Variants in PDE6B observed in about 807,000 individuals in gnomAD.
The protein encoded by PDE6B is phosphodiesterase 6B.
A neutral mutation model predicts 109.0 loss-of-function variants in PDE6B; 106 were observed. The observed-to-expected ratio is 0.97, with a 90% CI of 0.83 to 1.14. The LOEUF (loss-of-function observed/expected upper bound fraction) is 1.14, where lower values mean the gene tolerates loss of function less well. Among genes scored for constraint, PDE6B ranks in the 50% most tolerant of loss-of-function variants. The pLI is 0.00. For synonymous variants in PDE6B, 490 were observed against 471.3 expected, an observed-to-expected ratio of 1.04 and a Z score of -0.51; for missense variants, 1,193 against 1,155.6, an observed-to-expected ratio of 1.03 and a Z score of -0.47.
intron 3 of PDE6B, among the ~76,000 whole-genome samples, chr4:642,949 G>A (rs1483838476): frequency 6.6e-6 from 1 of 152,014 alleles, no homozygotes; most frequent in African/African-American, 2.4e-5. Context: ...AATGCCACCT[G>A]GTCATGTAGT....
chr4:637,898 T>G (rs1011430841), intron 3 of PDE6B, among the ~76,000 whole-genome samples: 2 of 152,234 alleles, frequency 1.3e-5, no homozygotes, highest in Non-Finnish European at 2.9e-5. Flanking sequence ...GGAGCTGTCC[T>G]CCGCACAGGC....
At chr4:655,280 C>A (rs908187974) in intron 6 of PDE6B, 2 of 319,204 alleles carry the variant, frequency 6.3e-6, no homozygotes, top group African/African-American at 2.1e-5. Context: ...GAGGCCGAGT[C>A]TTGGCCCCGT....
chr4:639,140 T>G (rs1472601231), intron 3 of PDE6B, among the ~76,000 whole-genome samples: 1 of 150,886 alleles, frequency 6.6e-6, no homozygotes, highest in African/African-American at 2.5e-5. Context: ...TTTGTTTTTT[T>G]GGGGGGTGTT....
rs373370425 is a variant in PDE6B, at chr4:658,912, G to A, written c.1402-40G>A. 8 of 1,497,120 alleles carry A rather than the reference G, an allele frequency of 5.3e-6. No individual in the cohort carries two copies. In the Middle Eastern group the frequency reaches 5.1e-4, roughly 96 times the overall value. 92.7% of individuals were successfully genotyped at this position (1,497,120 alleles called of 1,614,324 possible). A position where few individuals can be genotyped will look rare whatever the true frequency, so the allele number is the denominator to read the frequency against. On this transcript the variant is annotated intron_variant, in intron 10 of 21. Coordinates refer to ENST00000496514, the MANE Select transcript of PDE6B (RefSeq NM_000283.4). ...GCACCGCCGTCACCTTGTCCCACAT[G>A]CGAAGCTCTTTCTCGTGACACATCT...
chr4:625,763 G>C lies in PDE6B; in HGVS notation c.137G>C (p.Ser46Thr), dbSNP rs777494853. ...GACGGGTGCCCGCCGGACTGCGACAGCCTCCGGGACCTCTGCCAGGTGGAG... is the reference window on the plus strand; with the variant it reads ...GACGGGTGCCCGCCGGACTGCGACACCCTCCGGGACCTCTGCCAGGTGGAG... ...CEDGCPPDCD[S>T]LRDLCQVEES... Residue 46 changes from serine to threonine, a missense_variant, in exon 1 of 22, where the codon AGC (serine) becomes ACC (threonine). Ser to Thr is a moderately conservative substitution (Grantham distance 58). Coordinates refer to ENST00000496514, the MANE Select transcript of PDE6B (RefSeq NM_000283.4). The surrounding 1 kb of genome is among the most constrained non-coding windows in gnomAD (Gnocchi z 5.0). 5.6e-6 allele frequency: 9 copies of C among 1,613,452 alleles called. No individual in the cohort carries two copies.
rs1253425548 is a variant in PDE6B at position 626,003 on chromosome 4, C to G, written c.377C>G (p.Pro126Arg). The change falls in exon 1 of 22, where the codon CCC (proline) becomes CGC (arginine). Residue 126 changes from proline (P) to arginine (R), a missense_variant. Physicochemically the swap from Pro to Arg is moderately radical, Grantham distance 103. Transcript: ENST00000496514. The surrounding 1 kb of genome is among the most constrained non-coding windows in gnomAD (Gnocchi z 4.6). ...GTCCTGGAGGACTGCCTGGTGCCCC[C>G]CGACTCCGAGATCGTCTTCCCACTG... ...DSVLEDCLVP[P>R]DSEIVFPLDI... The G allele has an allele frequency of 6.3e-7, 1 of 1,585,586 alleles. No homozygotes were observed. The highest frequency in any genetic ancestry group is 8.6e-7 in the Non-Finnish European group (1 of 1,166,472).
intron 5 of PDE6B, 130 bp from the exon 6 acceptor site, chr4:654,694 C>T: frequency 6.4e-6 from 5 of 779,246 alleles, no homozygotes; most frequent in Non-Finnish European, 9.5e-6. Context: ...CGTGTGTACA[C>T]ATGCACGGTT....
rs1734557891 is a variant in PDE6B, at chr4:634,698, G to A, written c.490G>A (p.Ala164Thr). The A allele has an allele frequency of 4.3e-6, 7 of 1,613,090 alleles. No individual in the cohort carries two copies. The highest frequency in any genetic ancestry group is 5.9e-6 in the Non-Finnish European group (7 of 1,179,188). ...GCAGTGCCCTCACTTCAGCTCATTT[G>A]CTGACGAGCTCACTGACTACAAGAC... ...VAECPHFSSF[A>T]DELTDYKTKN... The change falls in exon 2 of 22, where the codon GCT becomes ACT. Residue 164 changes from alanine (A) to threonine (T), a missense_variant. Ala to Thr is a moderately conservative substitution (Grantham distance 58, BLOSUM62 0). Transcript: ENST00000496514.
At position 625,674 on chromosome 4, in the gene PDE6B, C is replaced by T. The variant is rs147759031; in HGVS notation, c.48C>T (p.Pro16=). ...CCCGGAGCTTTCTGGACCAGAACCC[C>T]GATTTTGCCCGCCAGTACTTTGGGA... ...EQARSFLDQN[P]DFARQYFGKK... The change falls in exon 1 of 22, where the codon CCC becomes CCT. Residue 16 remains proline, a synonymous_variant. Transcript: ENST00000496514. This position sits in a 1 kb window ranked among gnomAD's most constrained non-coding sequence, Gnocchi z 5.0. 3.4e-5 allele frequency: 55 copies of T among 1,613,942 alleles called. No individual in the cohort carries two copies. In the African/African-American group the frequency reaches 4.1e-4, roughly 12 times the overall value.
chr4:652,108 G>T (rs542541450), intron 3 of PDE6B: 6 of 140,140 alleles, frequency 4.3e-5, no homozygotes, highest in African/African-American at 1.5e-4. Context: ...AGACCCGGGC[G>T]GAGATTGCGA....
At chr4:658,903 G>A (rs1162649342) in intron 10 of PDE6B, 49 bp from the exon 11 acceptor site, 1 of 1,380,908 alleles carries the variant, frequency 7.2e-7, no homozygotes, top group Non-Finnish European at 1.0e-6. Context: ...CCGTCACCTT[G>A]TCCCACATGC....
chr4:654,323 A>T lies in PDE6B; in HGVS notation c.927+169A>T, dbSNP rs959544937. The T allele has an allele frequency of 4.2e-6, 3 of 715,910 alleles. No homozygotes were observed. The Admixed American group carries it at 6.0e-5, about 14-fold the overall frequency. 44.3% of individuals were successfully genotyped at this position (715,910 alleles called of 1,614,324 possible). On this transcript the variant is annotated intron_variant, in intron 5 of 21. Coordinates refer to ENST00000496514, the MANE Select transcript of PDE6B (RefSeq NM_000283.4). ...CTCCACCAGGCTCCCCTGCTGCTGC[A>T]CTCCAGGGATGGGGTGTCCAGGGCT... is the stretch of plus-strand genomic sequence containing the variant.
intron 10 of PDE6B, among the ~76,000 whole-genome samples, chr4:658,540 G>A (rs548841352): frequency 4.6e-5 from 7 of 152,184 alleles, no homozygotes; most frequent in African/African-American, 1.7e-4. Flanking sequence ...GTTACCCAGG[G>A]GTCACAGCTC....
chr4:665,208 C>CTGGA lies in PDE6B; in HGVS notation c.2194-47_2194-46insTGGA. The CTGGA allele has an allele frequency of 6.9e-7, 1 of 1,447,006 alleles. No individual in the cohort carries two copies. Among genetic ancestry groups the CTGGA allele is most frequent in the Non-Finnish European group, 9.7e-7 (1 of 1,032,508 alleles). The allele number at this position is 1,447,006 out of a possible 1,614,324, so 89.6% of individuals were successfully genotyped here. ...CTCACGGGGCGGGCCCGGGCCCTTC[C>CTGGA]GCGTGGGCTCAGAGCTCCACAGACA... is the stretch of plus-strand genomic sequence containing the variant. On this transcript the variant is annotated intron_variant, in intron 18 of 21. Transcript: ENST00000496514. The surrounding 1 kb of genome is among the most constrained non-coding windows in gnomAD (Gnocchi z 4.0).
intron 3 of PDE6B, among the ~76,000 whole-genome samples, chr4:641,644 G>GT (rs1560108238): frequency 1.3e-5 from 2 of 151,988 alleles, no homozygotes; most frequent in Admixed American, 1.3e-4. Context: ...CACGTTTTTT[G>GT]TTTTTTGTTT....
chr4:641,409 C>A (rs921257057), intron 3 of PDE6B, among the ~76,000 whole-genome samples: 2 of 152,208 alleles, frequency 1.3e-5, no homozygotes, highest in African/African-American at 4.8e-5. Flanking sequence ...GAGGGTGAGG[C>A]GGTCAGCGCA....
At chr4:647,633 G>A (rs1186981290) in intron 3 of PDE6B, among the ~76,000 whole-genome samples, 3 of 151,942 alleles carry the variant, frequency 2.0e-5, no homozygotes, top group African/African-American at 7.3e-5. Context: ...CCCCAGGCTC[G>A]TGACCTCACC....
chr4:668,747 C>A (rs1474145214), intron 21 of PDE6B, among the ~76,000 whole-genome samples: 1 of 97,238 alleles, frequency 1.0e-5, no homozygotes. Flanking sequence ...ATGCTATTCC[C>A]CTACCCCATG....
At chr4:639,471 C>A (rs1734846876) in intron 3 of PDE6B, among the ~76,000 whole-genome samples, 1 of 152,152 alleles carries the variant, frequency 6.6e-6, no homozygotes, top group South Asian at 2.1e-4. Flanking sequence ...GAATAGAGAG[C>A]AGGTCCCTTA....
Sources: allele counts gnomAD v4.1 joint callset (sites outside exome capture counted in the v4.1 genomes callset), GRCh38; gene constraint gnomAD v4.1.1; non-coding constraint Gnocchi (gnomAD v3.1); transcripts MANE v1.5; gene names NCBI Gene and HGNC (gene_info 2026-07-23, HGNC 2026-07-21).